The following ZMYND15 variants were observed in gnomAD, a reference collection of about 807,000 sequenced individuals.
ZMYND15 encodes the protein zinc finger MYND-type containing 15, also known as zinc finger MYND domain-containing protein 15.
A neutral mutation model predicts 81.7 loss-of-function variants in ZMYND15; 54 were observed. That is an observed-to-expected ratio of 0.66 (90% CI 0.53 to 0.83). The LOEUF (loss-of-function observed/expected upper bound fraction) is 0.83. Ranked by LOEUF, ZMYND15 falls within the 40% of genes least tolerant of loss-of-function variation. ZMYND15 has a pLI of 0.00. For synonymous variants in ZMYND15, 399 were observed against 387.0 expected (o/e 1.03, Z -0.36); for missense variants, 925 against 973.5 (o/e 0.95, Z 0.66).
chr17:4,742,966 C>T (rs1432267189), intron 5 of ZMYND15, among the ~76,000 whole-genome samples: 2 of 152,050 alleles, frequency 1.3e-5, no homozygotes, highest in Non-Finnish European at 2.9e-5. Context: ...GAGTTCAAGG[C>T]TGGGGTTCTA....
rs1916588173 is a variant in ZMYND15, at chr17:4,744,757, C to T, written c.1816C>T (p.Pro606Ser). 2.5e-6 allele frequency: 4 copies of T among 1,614,144 alleles called. No individual in the cohort carries two copies. Among genetic ancestry groups the T allele is most frequent in the South Asian group, 2.2e-5 (2 of 91,082 alleles). ...AAGGCCCTACCACCTGTTCCAGGGG[C>T]CCAAGCCTGACCTGGTTATTGGTAA... Reference protein sequence around the residue: ...SARPYHLFQGPKPDLVIGFNS... With the variant: ...SARPYHLFQGSKPDLVIGFNS... The change falls in exon 11 of 14, where the codon CCC becomes TCC. Residue 606 changes from proline to serine, a missense_variant. Coordinates refer to ENST00000433935, the MANE Select transcript of ZMYND15 (RefSeq NM_001136046.3). This position sits in a 1 kb window ranked among gnomAD's most constrained non-coding sequence, Gnocchi z 4.1.
rs1367945275 is a variant in ZMYND15 at position 4,745,504 on chromosome 17, C to T, written c.2057+129C>T. ...GGCCCTCCTGCCCCCAGCCCAGCAA[C>T]CTGCCTTCTCTGTCCCCACTACTCG... is the stretch of plus-strand genomic sequence containing the variant. On this transcript the variant is annotated intron_variant, in intron 13 of 13. Transcript: ENST00000433935. The surrounding 1 kb of genome is among the most constrained non-coding windows in gnomAD (Gnocchi z 5.2). 1 of 1,136,112 alleles carries T rather than the reference C, an allele frequency of 8.8e-7. No individual in the cohort carries two copies. The highest frequency in any genetic ancestry group is 1.2e-6 in the Non-Finnish European group (1 of 810,966). 70.4% of individuals were successfully genotyped at this position (1,136,112 alleles called of 1,614,324 possible). A position where few individuals can be genotyped will look rare whatever the true frequency, so the allele number is the denominator to read the frequency against.
rs1916606229 is a variant in ZMYND15 at position 4,745,138 on chromosome 17, T to C, written c.1897-77T>C. 3 of 1,609,168 alleles carry C rather than the reference T, an allele frequency of 1.9e-6. No homozygotes were observed. The highest frequency in any genetic ancestry group is 2.5e-6 in the Non-Finnish European group (3 of 1,177,514). On this transcript the variant is annotated intron_variant, in intron 12 of 13. Coordinates refer to ENST00000433935, the MANE Select transcript of ZMYND15 (RefSeq NM_001136046.3). The surrounding 1 kb of genome is among the most constrained non-coding windows in gnomAD (Gnocchi z 5.2). Reference sequence around the variant, plus strand: ...CCGGTCTGTCCGGGGACCTCGGCTTTCAGCCCGGTCTGTCATTCTGGCTGC... The same window carrying C: ...CCGGTCTGTCCGGGGACCTCGGCTTCCAGCCCGGTCTGTCATTCTGGCTGC...
At position 4,744,858 on chromosome 17, in the gene ZMYND15, C is replaced by A. The variant is rs775529554; in HGVS notation, c.1838-12C>A. ...CCGTGGGAGCCAGCTTCTCCCTCCT[C>A]TCTGTCTGCAGGATTTAACTCCGGG... On this transcript the variant is annotated splice_polypyrimidine_tract_variant and intron_variant, in intron 11 of 13. Coordinates refer to ENST00000433935, the MANE Select transcript of ZMYND15 (RefSeq NM_001136046.3). The surrounding 1 kb of genome is among the most constrained non-coding windows in gnomAD (Gnocchi z 4.1). 2 of 1,613,392 alleles carry A rather than the reference C, an allele frequency of 1.2e-6. No individual in the cohort carries two copies. The highest frequency in any genetic ancestry group is 1.7e-6 in the Non-Finnish European group (2 of 1,179,992).
intron 2 of ZMYND15, among the ~76,000 whole-genome samples, 156 bp downstream of exon 2, chr17:4,741,296 A>G (rs60015695): frequency 0.022 from 3,301 of 151,428 alleles, 132 homozygotes; most frequent in African/African-American, 0.075. Flanking sequence ...TTTTTAATTT[A>G]ATGTTTAAAC....
chr17:4,745,506 T>A lies in ZMYND15; in HGVS notation c.2057+131T>A, dbSNP rs1916624318. ...CCCTCCTGCCCCCAGCCCAGCAACC[T>A]GCCTTCTCTGTCCCCACTACTCGTC... On this transcript the variant is annotated intron_variant, in intron 13 of 13. Coordinates refer to ENST00000433935, the MANE Select transcript of ZMYND15 (RefSeq NM_001136046.3). This position sits in a 1 kb window ranked among gnomAD's most constrained non-coding sequence, Gnocchi z 5.2. The A allele has an allele frequency of 1.8e-6, 2 of 1,084,494 alleles. No homozygotes were observed. The highest frequency in any genetic ancestry group is 3.2e-5 in the South Asian group (2 of 62,710). The allele number at this position is 1,084,494 out of a possible 1,614,324, so 67.2% of individuals were successfully genotyped here.
At position 4,745,734 on chromosome 17, in the gene ZMYND15, C is replaced by CCCCT; in HGVS notation, c.2058-85_2058-84insCCCT. ...AGCCCCGCCCCCTGGTCCCTGACCG[C>CCCCT]GCCCCTGGGAGCCCCGACCCCTGGG... On this transcript the variant is annotated intron_variant, in intron 13 of 13. Transcript: ENST00000433935. This position sits in a 1 kb window ranked among gnomAD's most constrained non-coding sequence, Gnocchi z 5.2. 1.5e-6 allele frequency: 1 copy of CCCCT among 677,414 alleles called. No individual in the cohort carries two copies. Among genetic ancestry groups the CCCCT allele is most frequent in the Non-Finnish European group, 2.2e-6 (1 of 455,880 alleles). 42.0% of individuals were successfully genotyped at this position (677,414 alleles called of 1,614,324 possible).
chr17:4,744,420 G>A lies in ZMYND15; in HGVS notation c.1636G>A (p.Asp546Asn). Residue 546 changes from aspartate to asparagine, a missense_variant, in exon 10 of 14, where the codon GAT (aspartate) becomes AAT (asparagine). Physicochemically the swap from Asp to Asn is conservative, Grantham distance 23. Coordinates refer to ENST00000433935, the MANE Select transcript of ZMYND15 (RefSeq NM_001136046.3). The surrounding 1 kb of genome is among the most constrained non-coding windows in gnomAD (Gnocchi z 4.1). ...GGCCCTGGAGCTGCAGTTTGTAGGT[G>A]ATGGCCTGCCCCCCGAAAGCGACGA... ...HVALELQFVG[D>N]GLPPESDEQH... The A allele has an allele frequency of 5.6e-6, 9 of 1,614,128 alleles. No individual in the cohort carries two copies. The highest frequency in any genetic ancestry group is 7.6e-6 in the Non-Finnish European group (9 of 1,180,020).
In ZMYND15 at chr17:4,745,633, C is replaced by G. The variant is rs527627316; in HGVS notation, c.2058-186C>G. 3.3e-4 allele frequency among the ~76,000 whole-genome samples: 50 copies of G among 152,244 alleles called. No homozygotes were observed. Among genetic ancestry groups the G allele is most frequent in the African/African-American group, 9.9e-4 (41 of 41,562 alleles). ...AAGACCCCGCGACCCTCCAACAGAC[C>G]CAACCCTGAGTCTAGCCCCACGCCC... On this transcript the variant is annotated intron_variant, in intron 13 of 13. Transcript: ENST00000433935. The surrounding 1 kb of genome is among the most constrained non-coding windows in gnomAD (Gnocchi z 5.2).
At position 4,740,632 on chromosome 17, in the gene ZMYND15, G is replaced by A. The variant is rs1438647916; in HGVS notation, c.84G>A (p.Glu28=). Residue 28 remains glutamate, a synonymous_variant, in exon 2 of 14, where the codon GAG becomes GAA. Transcript: ENST00000433935. The part of the protein sequence containing the change: ...LFGWFRKFVA[E]RGAVGTSLEG... ...GCTGGTTCCGAAAGTTTGTGGCAGA[G>A]CGTGGAGCTGTAGGGACTAGCCTTG... 1 of 1,614,004 alleles carries A rather than the reference G, an allele frequency of 6.2e-7. No individual in the cohort carries two copies. Among genetic ancestry groups the A allele is most frequent in the Non-Finnish European group, 8.5e-7 (1 of 1,179,958 alleles).
In ZMYND15 at chr17:4,742,267, G is replaced by A. The variant is rs1457768395; in HGVS notation, c.984-64G>A. ...GTGACATATGGGCAGCTGCTGGGCAGTTGAACAGCAGACAGGACCTACAGA... is the reference window on the plus strand; with the variant it reads ...GTGACATATGGGCAGCTGCTGGGCAATTGAACAGCAGACAGGACCTACAGA... On this transcript the variant is annotated intron_variant, in intron 4 of 13. Transcript: ENST00000433935. 5 of 1,590,046 alleles carry A rather than the reference G, an allele frequency of 3.1e-6. No individual in the cohort carries two copies. The East Asian group carries it at 6.7e-5, about 21-fold the overall frequency.
rs771924333 is a variant in ZMYND15, at chr17:4,744,939, G to A, written c.1896+11G>A. ...CTGCCCCGGTTACAGGTGGGCAATG[G>A]GGGCAAAAGGGAACTTCTCTCCCCT... On this transcript the variant is annotated intron_variant, in intron 12 of 13. Transcript: ENST00000433935. The surrounding 1 kb of genome is among the most constrained non-coding windows in gnomAD (Gnocchi z 4.1). 3.1e-6 allele frequency: 5 copies of A among 1,614,006 alleles called. No individual in the cohort carries two copies. The highest frequency in any genetic ancestry group is 4.2e-6 in the Non-Finnish European group (5 of 1,179,970).
In ZMYND15 at chr17:4,745,693, C is replaced by A. The variant is rs1029361023; in HGVS notation, c.2058-126C>A. 93 of 649,434 alleles carry A rather than the reference C, an allele frequency of 1.4e-4. No individual in the cohort carries two copies. In the African/African-American group the frequency reaches 1.7e-3, roughly 12 times the overall value. The allele number at this position is 649,434 out of a possible 1,614,324, so 40.2% of individuals were successfully genotyped here. On this transcript the variant is annotated intron_variant, in intron 13 of 13. Transcript: ENST00000433935. This position sits in a 1 kb window ranked among gnomAD's most constrained non-coding sequence, Gnocchi z 5.2. ...GAGGGGCAAGCCCCGCCCCCTGGTC[C>A]CTGACCGCCCGGTGGAGCCCCGCCC...
At chr17:4,742,840 T>A (rs1448861219) in intron 5 of ZMYND15, among the ~76,000 whole-genome samples, 2 of 152,144 alleles carry the variant, frequency 1.3e-5, no homozygotes, top group Admixed American at 1.3e-4. Context: ...GCCCATGGAA[T>A]TGTTACAAGG....
chr17:4,743,883 G>A lies in ZMYND15; in HGVS notation c.1378+36G>A, dbSNP rs769895827. The A allele has an allele frequency of 9.3e-6, 15 of 1,609,926 alleles. 1 individual carries two copies. Among genetic ancestry groups the A allele is most frequent in the East Asian group, 4.5e-5 (2 of 44,828 alleles). ...GGGGCCCTGTGGAAGCTAGGGGTAGGGCCAGGGACTGGAGAACCAGAGCCT... is the reference window on the plus strand; with the variant it reads ...GGGGCCCTGTGGAAGCTAGGGGTAGAGCCAGGGACTGGAGAACCAGAGCCT... On this transcript the variant is annotated intron_variant, in intron 7 of 13. Transcript: ENST00000433935. This position sits in a 1 kb window ranked among gnomAD's most constrained non-coding sequence, Gnocchi z 4.3.
At chr17:4,740,210 T>G in intron 1 of ZMYND15, 160 bp downstream of exon 1, 3 of 537,700 alleles carry the variant, frequency 5.6e-6, no homozygotes, top group Non-Finnish European at 7.3e-6. Context: ...GGATTAGCCC[T>G]CTCTCCTCTC....
rs1013060558 is a variant in ZMYND15 at position 4,745,443 on chromosome 17, G to A, written c.2057+68G>A. ...TCTTACTCTCTGGCTCCACATCCTC[G>A]AAGGCCCACCTCTACCCTAGTCCCT... On this transcript the variant is annotated intron_variant, in intron 13 of 13. Coordinates refer to ENST00000433935, the MANE Select transcript of ZMYND15 (RefSeq NM_001136046.3). This position sits in a 1 kb window ranked among gnomAD's most constrained non-coding sequence, Gnocchi z 5.2. The A allele has an allele frequency of 1.2e-5, 18 of 1,527,496 alleles. No homozygotes were observed. The East Asian group carries it at 2.5e-4, about 21-fold the overall frequency. The allele number at this position is 1,527,496 out of a possible 1,614,324, so 94.6% of individuals were successfully genotyped here.
In ZMYND15 at chr17:4,742,010, T is replaced by G; in HGVS notation, c.923T>G (p.Leu308Arg). Residue 308 changes from leucine to arginine, a missense_variant, in exon 4 of 14, where the codon CTT (leucine) becomes CGT (arginine). Coordinates refer to ENST00000433935, the MANE Select transcript of ZMYND15 (RefSeq NM_001136046.3). ...CGGCCAGGCTTCACCTTTGCTTCCC[T>G]TCGTGCTCGAACCTGCCATGTGTGT... ...GPRPGFTFAS[L>R]RARTCHVCHR... 1 of 1,614,188 alleles carries G rather than the reference T, an allele frequency of 6.2e-7. No homozygotes were observed. Among genetic ancestry groups the G allele is most frequent in the Non-Finnish European group, 8.5e-7 (1 of 1,180,040 alleles).
chr17:4,740,943 G>C lies in ZMYND15; in HGVS notation c.395G>C (p.Gly132Ala). ...DEEEEKREDG[G>A]AGSTEKVEPE... ...GAAGAAGAGAAGAGAGAGGACGGGG[G>C]TGCAGGCAGCACAGAGAAGGTGGAA... Residue 132 changes from glycine to alanine, a missense_variant, in exon 2 of 14, where the codon GGT (glycine) becomes GCT (alanine). Coordinates refer to ENST00000433935, the MANE Select transcript of ZMYND15 (RefSeq NM_001136046.3). The C allele has an allele frequency of 6.3e-7, 1 of 1,579,082 alleles. No homozygotes were observed. The highest frequency in any genetic ancestry group is 8.6e-7 in the Non-Finnish European group (1 of 1,161,552).
Sources: gnomAD v4.1 joint callset for allele counts (sites outside exome capture counted in the v4.1 genomes callset) on GRCh38, gnomAD v4.1.1 for gene constraint, Gnocchi (gnomAD v3.1) non-coding constraint, MANE v1.5 for transcripts, NCBI Gene and HGNC (gene_info 2026-07-23, HGNC 2026-07-21) for gene names.